TTC28: variants seen among roughly 807,000 people sequenced by gnomAD.
TTC28 encodes tetratricopeptide repeat domain 28, also known as tetratricopeptide repeat protein 28.
In TTC28, 61 loss-of-function variants were observed where a neutral mutation model predicts 198.0. The observed-to-expected ratio is 0.31, with a 90% CI of 0.25 to 0.38. The LOEUF is 0.38. TTC28 is among the 10% of genes least tolerant of loss of function. TTC28 has a pLI of 1.00. For missense variants in TTC28, 2,678 were observed against 3,164.0 expected (o/e 0.85, Z 3.69); for synonymous variants, 1,171 against 1,297.8 (o/e 0.90, Z 2.10).
At chr22:28,091,017 C>T (rs1017601638) in intron 12 of TTC28, among the ~76,000 whole-genome samples, 12 of 152,200 alleles carry the variant, frequency 7.9e-5, no homozygotes, top group African/African-American at 2.9e-4. Context: ...TGTCAAGCCA[C>T]ATAACCTGCT....
chr22:28,637,153 C>T (rs1191378840), intron 1 of TTC28, among the ~76,000 whole-genome samples: 2 of 151,910 alleles, frequency 1.3e-5, no homozygotes, highest in Non-Finnish European at 2.9e-5. Flanking sequence ...GGACCACAGG[C>T]ACCCGCCACC....
At chr22:28,428,933 C>T (rs1161912519) in intron 2 of TTC28, among the ~76,000 whole-genome samples, 2 of 152,108 alleles carry the variant, frequency 1.3e-5, no homozygotes, top group Admixed American at 1.3e-4. Context: ...AGCCACCGCG[C>T]CCAGCCCATT....
intron 2 of TTC28, among the ~76,000 whole-genome samples, chr22:28,620,242 C>G (rs2050971936): frequency 6.6e-6 from 1 of 151,740 alleles, no homozygotes; most frequent in South Asian, 2.1e-4. Flanking sequence ...CCCAGCTACT[C>G]AGGAGGCTGG....
At chr22:28,257,296 T>A (rs1251080725) in intron 5 of TTC28, among the ~76,000 whole-genome samples, 3 of 152,306 alleles carry the variant, frequency 2.0e-5, no homozygotes, top group Middle Eastern at 3.4e-3. Context: ...GAGATACCTG[T>A]ACTCCCATGT....
In TTC28 at chr22:28,014,299, G is replaced by A; in HGVS notation, c.4167C>T (p.Ala1389=). The change falls in exon 14 of 23, where the codon GCC becomes GCT. Residue 1389 remains alanine (A), a synonymous_variant. Transcript: ENST00000397906. The part of the protein sequence containing the change: ...SSLPRRQSSF[A]KPPLRALYDL... ...CATACAGGGCACGGAGCGGGGGCTT[G>A]GCAAACGAGCTCTGCCTCCTGGGAA... 1 of 1,551,698 alleles carries A rather than the reference G, an allele frequency of 6.4e-7. No individual in the cohort carries two copies. The highest frequency in any genetic ancestry group is 8.7e-7 in the Non-Finnish European group (1 of 1,146,984).
At chr22:27,996,446 C>A in intron 16 of TTC28, 187 bp from the exon 17 acceptor site, 1 of 778,772 alleles carries the variant, frequency 1.3e-6, no homozygotes, top group Non-Finnish European at 2.0e-6. Context: ...CCTTTTGTCC[C>A]CTTCCTTTTA....
intron 12 of TTC28, among the ~76,000 whole-genome samples, chr22:28,041,565 C>T (rs1293918494): frequency 5.3e-5 from 8 of 152,072 alleles, no homozygotes; most frequent in South Asian, 2.1e-4. Context: ...TTCCTTACAC[C>T]GTATACAAAA....
At chr22:28,282,736 A>G (rs1197574971) in intron 5 of TTC28, among the ~76,000 whole-genome samples, 2 of 152,186 alleles carry the variant, frequency 1.3e-5, no homozygotes, top group African/African-American at 2.4e-5. Context: ...CCTATTCTCA[A>G]GTTGCTTCTA....
At chr22:28,317,082 T>C (rs1014324577) in intron 2 of TTC28, among the ~76,000 whole-genome samples, 37 of 152,154 alleles carry the variant, frequency 2.4e-4, no homozygotes, top group African/African-American at 8.7e-4. Context: ...CCTGTTACTG[T>C]ACTTTTATGT....
At chr22:28,277,397 A>G (rs1280341643) in intron 5 of TTC28, among the ~76,000 whole-genome samples, 2 of 152,218 alleles carry the variant, frequency 1.3e-5, no homozygotes, top group Non-Finnish European at 2.9e-5. Flanking sequence ...AACTGAAATA[A>G]GAAAGGATTC....
intron 20 of TTC28, chr22:27,990,211 C>G (rs1022178522): frequency 3.1e-6 from 2 of 653,772 alleles, no homozygotes; most frequent in Non-Finnish European, 4.6e-6. Flanking sequence ...GGCATTGGGG[C>G]AAGAGGCTGT....
intron 2 of TTC28, among the ~76,000 whole-genome samples, chr22:28,453,008 C>G (rs1183746754): frequency 6.6e-6 from 1 of 152,138 alleles, no homozygotes; most frequent in East Asian, 1.9e-4. Context: ...CATGGGGTAT[C>G]CTATATCCAG....
chr22:28,433,140 T>A (rs1401119258), intron 2 of TTC28, among the ~76,000 whole-genome samples: 1 of 152,202 alleles, frequency 6.6e-6, no homozygotes, highest in Non-Finnish European at 1.5e-5. Flanking sequence ...CATTTTCCTA[T>A]GATTTTTAAA....
intron 3 of TTC28, among the ~76,000 whole-genome samples, chr22:28,304,964 T>TTTAATTA (rs1569249653): frequency 2.1e-5 from 3 of 141,768 alleles, no homozygotes; most frequent in Non-Finnish European, 4.8e-5. Context: ...TCAGAGTTTG[T>TTTAATTA]TTATTTATTA....
At chr22:28,055,069 T>C (rs1404380187) in intron 12 of TTC28, among the ~76,000 whole-genome samples, 2 of 152,148 alleles carry the variant, frequency 1.3e-5, no homozygotes, top group Admixed American at 6.6e-5. Flanking sequence ...TGGCAGTATA[T>C]GAGGGATGGG....
At chr22:28,656,468 C>G (rs149550226) in intron 1 of TTC28, among the ~76,000 whole-genome samples, 1 of 152,282 alleles carries the variant, frequency 6.6e-6, no homozygotes, top group African/African-American at 2.4e-5. Context: ...GAGCAGCTGG[C>G]AAAGCTGAAA....
chr22:28,598,509 CAAAAAAAA>C (rs36035176), intron 2 of TTC28, among the ~76,000 whole-genome samples: 2 of 52,684 alleles, frequency 3.8e-5, no homozygotes, highest in Non-Finnish European at 6.5e-5. Context: ...ACTACGTCTC[CAAAAAAAA>C]AAAAAAAAAA....
At chr22:28,097,683 A>G (rs1942017809) in intron 10 of TTC28, among the ~76,000 whole-genome samples, 1 of 152,246 alleles carries the variant, frequency 6.6e-6, no homozygotes, top group East Asian at 1.9e-4. Flanking sequence ...AGTCCAAAGA[A>G]AGCAGACAGA....
intron 2 of TTC28, among the ~76,000 whole-genome samples, chr22:28,584,020 T>G (rs866732281): frequency 4.2e-5 from 6 of 142,076 alleles, no homozygotes; most frequent in Admixed American, 1.4e-4. Context: ...TGTTTTGTTT[T>G]TTTTTTTTTT....
Sources: gnomAD v4.1 joint callset for allele counts (sites outside exome capture counted in the v4.1 genomes callset) on GRCh38, gnomAD v4.1.1 for gene constraint, MANE v1.5 for transcripts, NCBI Gene and HGNC (gene_info 2026-07-23, HGNC 2026-07-21) for gene names.